NKAIN3: variants seen among roughly 807,000 people sequenced by gnomAD.
NKAIN3 encodes sodium/potassium transporting ATPase interacting 3.
Under a neutral mutation model 30.2 loss-of-function variants are expected in NKAIN3, and 25 were observed. The observed-to-expected ratio is 0.83, with a 90% CI of 0.60 to 1.16. NKAIN3 has a LOEUF of 1.16. Among genes scored for constraint, NKAIN3 ranks in the 50% most tolerant of loss-of-function variants. The probability of loss-of-function intolerance (pLI) is 0.00; values close to 1 mark genes in which losing one functional copy is unlikely to be tolerated. For missense variants in NKAIN3, 225 were observed against 254.1 expected, an observed-to-expected ratio of 0.89 and a Z score of 0.78; for synonymous variants, 91 against 89.6, an observed-to-expected ratio of 1.02 and a Z score of -0.09.
At chr8:62,252,115 G>A (rs1446275339) in intron 1 of NKAIN3, among the ~76,000 whole-genome samples, 1 of 151,962 alleles carries the variant, frequency 6.6e-6, no homozygotes, top group East Asian at 1.9e-4. Context: ...TAGATCTGGT[G>A]CACTTTCTAC....
chr8:62,853,843 T>C (rs568488763), intron 4 of NKAIN3, among the ~76,000 whole-genome samples: 10 of 152,326 alleles, frequency 6.6e-5, no homozygotes, highest in African/African-American at 2.2e-4. Context: ...TTTAGTGCTG[T>C]AGATTTCTCT....
chr8:62,382,937 G>A (rs1240833412), intron 1 of NKAIN3, among the ~76,000 whole-genome samples: 1 of 152,054 alleles, frequency 6.6e-6, no homozygotes, highest in Non-Finnish European at 1.5e-5. Flanking sequence ...CACTTTAATG[G>A]TGTAATCTTC....
chr8:62,351,647 C>T (rs1816183729), intron 1 of NKAIN3, among the ~76,000 whole-genome samples: 1 of 151,950 alleles, frequency 6.6e-6, no homozygotes, highest in Admixed American at 6.6e-5. Context: ...CTTCACTACA[C>T]CTCAGGTATT....
At chr8:62,411,236 C>G (rs374114650) in intron 1 of NKAIN3, among the ~76,000 whole-genome samples, 1 of 152,242 alleles carries the variant, frequency 6.6e-6, no homozygotes, top group African/African-American at 2.4e-5. Flanking sequence ...GGATGCAAGG[C>G]TGGTTTAACA....
At chr8:62,831,726 T>C (rs1230593589) in intron 4 of NKAIN3, among the ~76,000 whole-genome samples, 1 of 152,158 alleles carries the variant, frequency 6.6e-6, no homozygotes, top group African/African-American at 2.4e-5. Context: ...TATGGGATTA[T>C]GTAAAGTGAC....
intron 4 of NKAIN3, among the ~76,000 whole-genome samples, chr8:62,810,639 T>TA (rs1491523682): frequency 1.2e-4 from 1 of 8,678 alleles, no homozygotes; most frequent in Non-Finnish European, 3.3e-4. Context: ...AGGTAGAAAG[T>TA]TTTTTTTTTT....
At chr8:62,289,438 T>A (rs1813504355) in intron 1 of NKAIN3, among the ~76,000 whole-genome samples, 1 of 152,212 alleles carries the variant, frequency 6.6e-6, no homozygotes, top group African/African-American at 2.4e-5. Flanking sequence ...AAGGAAGGGA[T>A]CCAGTTTCAG....
chr8:62,266,053 T>C (rs1341024569), intron 1 of NKAIN3, among the ~76,000 whole-genome samples: 1 of 152,184 alleles, frequency 6.6e-6, no homozygotes, highest in Admixed American at 6.5e-5. Flanking sequence ...CTCCTTACTG[T>C]GTCCCTCTGT....
At chr8:62,510,145 C>A (rs1424801398) in intron 1 of NKAIN3, among the ~76,000 whole-genome samples, 1 of 151,714 alleles carries the variant, frequency 6.6e-6, no homozygotes, top group Non-Finnish European at 1.5e-5. Flanking sequence ...GTGGTGGAAT[C>A]AGGGTGAATA....
At chr8:62,516,220 C>T in intron 1 of NKAIN3, among the ~76,000 whole-genome samples, 1 of 151,968 alleles carries the variant, frequency 6.6e-6, no homozygotes, top group South Asian at 2.1e-4. Context: ...TTTAAGTTTC[C>T]CCTCTGTATG....
chr8:62,933,076 G>A (rs950667736), intron 5 of NKAIN3, among the ~76,000 whole-genome samples: 5 of 151,214 alleles, frequency 3.3e-5, no homozygotes, highest in African/African-American at 1.2e-4. Flanking sequence ...ACCCACTCAG[G>A]TCACACCACT....
chr8:62,854,208 A>G (rs186018455), intron 4 of NKAIN3, among the ~76,000 whole-genome samples: 1 of 152,174 alleles, frequency 6.6e-6, no homozygotes, highest in African/African-American at 2.4e-5. Context: ...GTAGTTATCT[A>G]TCAGGTCAAC....
chr8:62,312,506 T>G (rs935067249), intron 1 of NKAIN3, among the ~76,000 whole-genome samples: 87 of 150,404 alleles, frequency 5.8e-4, no homozygotes, highest in Non-Finnish European at 1.2e-4. Flanking sequence ...CAGCATGACT[T>G]TTACTTACAC....
chr8:62,513,619 A>T (rs756934867), intron 1 of NKAIN3, among the ~76,000 whole-genome samples: 2 of 152,000 alleles, frequency 1.3e-5, no homozygotes, highest in African/African-American at 4.8e-5. Context: ...CTGTAATCTC[A>T]GCACTTTGGG....
At chr8:62,466,071 G>A (rs1279883588) in intron 1 of NKAIN3, among the ~76,000 whole-genome samples, 1 of 152,018 alleles carries the variant, frequency 6.6e-6, no homozygotes, top group Non-Finnish European at 1.5e-5. Context: ...ACGATAGCAA[G>A]GTAATTTCCA....
At chr8:62,576,428 G>A (rs890561060) in intron 1 of NKAIN3, among the ~76,000 whole-genome samples, 21 of 151,296 alleles carry the variant, frequency 1.4e-4, no homozygotes, top group East Asian at 3.9e-4. Flanking sequence ...CATTCTCTTC[G>A]CTTGGGCATC....
intron 4 of NKAIN3, among the ~76,000 whole-genome samples, chr8:62,906,933 T>A (rs1372850391): frequency 6.6e-6 from 1 of 152,148 alleles, no homozygotes; most frequent in Non-Finnish European, 1.5e-5. Context: ...TAATCAACTT[T>A]GAAACTAGGT....
At chr8:62,555,780 T>C (rs1563455422) in intron 1 of NKAIN3, among the ~76,000 whole-genome samples, 1 of 152,012 alleles carries the variant, frequency 6.6e-6, no homozygotes, top group African/African-American at 2.4e-5. Flanking sequence ...CAAAGAGATA[T>C]TGTAGTCAAT....
At chr8:62,796,129 A>T (rs1403682087) in intron 4 of NKAIN3, among the ~76,000 whole-genome samples, 2 of 151,996 alleles carry the variant, frequency 1.3e-5, no homozygotes. Context: ...CACACCTGTA[A>T]TCCCAGCACT....
Sources: allele counts gnomAD v4.1 joint callset (sites outside exome capture counted in the v4.1 genomes callset), GRCh38; gene constraint gnomAD v4.1.1; transcripts MANE v1.5; gene names NCBI Gene and HGNC (gene_info 2026-07-23, HGNC 2026-07-21).